HSPA4: variants seen among roughly 807,000 people sequenced by gnomAD.
The protein encoded by HSPA4 is heat shock protein family A (Hsp70) member 4, also known as heat shock 70 kDa protein 4.
In HSPA4, 25 loss-of-function variants were observed where a neutral mutation model predicts 106.2. That is an observed-to-expected ratio of 0.24 (90% CI 0.17 to 0.33). HSPA4 has a LOEUF of 0.33. Ranked by LOEUF, HSPA4 falls within the 10% of genes least tolerant of loss-of-function variation. The probability of loss-of-function intolerance (pLI) is 1.00; values close to 1 mark genes in which losing one functional copy is unlikely to be tolerated. For synonymous variants in HSPA4, 332 were observed against 333.6 expected, an observed-to-expected ratio of 1.00 and a Z score of 0.05; for missense variants, 841 against 996.0, an observed-to-expected ratio of 0.84 and a Z score of 2.10.
chr5:133,088,178 C>G (rs1161321858), intron 8 of HSPA4, among the ~76,000 whole-genome samples: 2 of 152,146 alleles, frequency 1.3e-5, no homozygotes, highest in Non-Finnish European at 2.9e-5. Context: ...GCCCTCACCT[C>G]CTAAATCCCA....
rs1765450365 is a variant in HSPA4 at position 133,076,743 on chromosome 5, A to G, written c.753A>G (p.Lys251=). Residue 251 remains lysine (K), a synonymous_variant, in exon 7 of 19, where the codon AAA becomes AAG. Transcript: ENST00000304858. ...VNHFCEEFGK[K]YKLDIKSKIR... is the part of the protein sequence containing the mutation. ...ACTTCTGTGAAGAATTTGGGAAGAA[A>G]TACAAGCTAGACATTAAGTCCAAAA... 3 of 1,614,000 alleles carry G rather than the reference A, an allele frequency of 1.9e-6. No homozygotes were observed. The highest frequency in any genetic ancestry group is 1.7e-5 in the Admixed American group (1 of 60,024).
chr5:133,080,591 A>G (rs1765502781), intron 7 of HSPA4, among the ~76,000 whole-genome samples: 2 of 151,960 alleles, frequency 1.3e-5, no homozygotes, highest in East Asian at 3.9e-4. Context: ...TATGTTTTCT[A>G]GTATTCTGTT....
At position 133,105,168 on chromosome 5, in the gene HSPA4, G is replaced by T. The variant is rs934895174; in HGVS notation, c.*732G>T. 1 of 152,302 alleles carries T rather than the reference G, an allele frequency of 6.6e-6. No individual in the cohort carries two copies. The highest frequency in any genetic ancestry group is 2.4e-5 in the African/African-American group (1 of 41,550). 9.4% of individuals were successfully genotyped at this position (152,302 alleles called of 1,614,324 possible). A position where few individuals can be genotyped will look rare whatever the true frequency, so the allele number is the denominator to read the frequency against. ...AAATAATTTTCAGAAGATTAGAATT[G>T]GGTAGATATACTGTTGGATATAGCC... is the stretch of plus-strand genomic sequence containing the variant. On this transcript the variant is annotated 3_prime_UTR_variant, in exon 19 of 19. Transcript: ENST00000304858.
intron 3 of HSPA4, among the ~76,000 whole-genome samples, chr5:133,069,887 A>T (rs530201084): frequency 6.6e-6 from 1 of 152,270 alleles, no homozygotes; most frequent in African/African-American, 2.4e-5. Flanking sequence ...AAAATAGGCT[A>T]TGCGTGGTGG....
chr5:133,070,239 C>CTTTT, intron 3 of HSPA4, 135 bp from the exon 4 acceptor site: 2 of 679,748 alleles, frequency 2.9e-6, no homozygotes, highest in Non-Finnish European at 4.7e-6. Context: ...CGAAAACTAG[C>CTTTT]TTTTTTTTTT....
chr5:133,058,789 T>A (rs1323482318), intron 1 of HSPA4, among the ~76,000 whole-genome samples: 1 of 151,648 alleles, frequency 6.6e-6, no homozygotes, highest in East Asian at 1.9e-4. Context: ...GCTCCGGAGT[T>A]TGGGACCAGC....
Position 133,076,722 on chromosome 5 carries a change from C to G in HSPA4, c.732C>G (p.Phe244Leu). 1.2e-6 allele frequency: 2 copies of G among 1,613,694 alleles called. No individual in the cohort carries two copies. The highest frequency in any genetic ancestry group is 1.7e-6 in the Non-Finnish European group (2 of 1,179,664). Residue 244 changes from phenylalanine (F) to leucine (L), a missense_variant, in exon 7 of 19, where the codon TTC (phenylalanine) becomes TTG (leucine). Physicochemically the swap from Phe to Leu is conservative, Grantham distance 22. Coordinates refer to ENST00000304858, the MANE Select transcript of HSPA4 (RefSeq NM_002154.4). The stretch of plus-strand genomic sequence containing the variant: ...TTGATGAAGTGTTAGTAAATCACTT[C>G]TGTGAAGAATTTGGGAAGAAATACA... ...RKFDEVLVNHFCEEFGKKYKL... is the reference protein window; with the variant it reads ...RKFDEVLVNHLCEEFGKKYKL...
Position 133,103,752 on chromosome 5 carries a change from C to G in HSPA4, c.2158-113C>G. 7.2e-6 allele frequency: 6 copies of G among 832,256 alleles called. No individual in the cohort carries two copies. In the South Asian group the frequency reaches 1.1e-4, roughly 16 times the overall value. 51.6% of individuals were successfully genotyped at this position (832,256 alleles called of 1,614,324 possible). A position where few individuals can be genotyped will look rare whatever the true frequency, so the allele number is the denominator to read the frequency against. ...TGTTCAGATTGTGAGGCTAAATATG[C>G]TTTATTTTTTGAAAGATTATAAGTT... On this transcript the variant is annotated intron_variant, in intron 17 of 18. Coordinates refer to ENST00000304858, the MANE Select transcript of HSPA4 (RefSeq NM_002154.4).
rs181102465 is a variant in HSPA4 at position 133,077,959 on chromosome 5, C to T, written c.908+1061C>T. Reference sequence around the variant, plus strand: ...TTAAGAAATTGTTAGTGAAATGTTACGTGTTTGTAAGAGCTAAGTAGATAC... The same window carrying T: ...TTAAGAAATTGTTAGTGAAATGTTATGTGTTTGTAAGAGCTAAGTAGATAC... On this transcript the variant is annotated intron_variant, in intron 7 of 18. Coordinates refer to ENST00000304858, the MANE Select transcript of HSPA4 (RefSeq NM_002154.4). 1.2e-3 allele frequency among the ~76,000 whole-genome samples: 187 copies of T among 152,196 alleles called. 1 individual carries two copies. The highest frequency in any genetic ancestry group is 2.0e-3 in the Non-Finnish European group (136 of 68,022).
intron 14 of HSPA4, 60 bp from the exon 15 acceptor site, chr5:133,097,101 G>T: frequency 2.3e-6 from 3 of 1,327,660 alleles, no homozygotes; most frequent in Non-Finnish European, 3.2e-6. Context: ...TAATTATATT[G>T]GTATTTAAGA....
At position 133,062,006 on chromosome 5, in the gene HSPA4, A is replaced by T. The variant is rs114347666; in HGVS notation, c.108-2974A>T. On this transcript the variant is annotated intron_variant, in intron 1 of 18. Coordinates refer to ENST00000304858, the MANE Select transcript of HSPA4 (RefSeq NM_002154.4). Reference sequence around the variant, plus strand: ...CAGACAAAATAGGTGGAATTTCTAGAGAATACGTGAAGGTACTAAGCATTT... The same window carrying T: ...CAGACAAAATAGGTGGAATTTCTAGTGAATACGTGAAGGTACTAAGCATTT... 5.0e-3 allele frequency among the ~76,000 whole-genome samples: 755 copies of T among 152,316 alleles called. 7 individuals are homozygous for T. Among genetic ancestry groups the T allele is most frequent in the African/African-American group, 0.018 (732 of 41,568 alleles).
At chr5:133,065,095 G>A in intron 2 of HSPA4, 58 bp downstream of exon 2, 1 of 1,439,216 alleles carries the variant, frequency 6.9e-7, no homozygotes, top group Non-Finnish European at 9.8e-7. Context: ...CATGTGTTCA[G>A]CAAGTAGTTG....
chr5:133,067,376 T>G, intron 2 of HSPA4, 41 bp from the exon 3 acceptor site: 1 of 1,463,432 alleles, frequency 6.8e-7, no homozygotes, highest in South Asian at 1.3e-5. Flanking sequence ...AAAAAAAAAA[T>G]TAGTAGTAGT....
chr5:133,074,470 G>T lies in HSPA4; in HGVS notation c.663+344G>T, dbSNP rs1765423782. Among the ~76,000 whole-genome samples, 3 of 152,064 alleles carry T rather than the reference G, an allele frequency of 2.0e-5. No individual in the cohort carries two copies. In the South Asian group the frequency reaches 6.2e-4, roughly 32 times the overall value. ...ATTTTGTATTTTTAGTAGAGACGGG[G>T]TTTATCCATGTTGGTCAGGCTGGTC... On this transcript the variant is annotated intron_variant, in intron 6 of 18. Coordinates refer to ENST00000304858, the MANE Select transcript of HSPA4 (RefSeq NM_002154.4).
At chr5:133,073,049 G>T (rs1448328067) in intron 4 of HSPA4, among the ~76,000 whole-genome samples, 181 bp from the exon 5 acceptor site, 1 of 152,104 alleles carries the variant, frequency 6.6e-6, no homozygotes, top group Non-Finnish European at 1.5e-5. Context: ...TAAGGTAATG[G>T]TACGGCTATT....
intron 1 of HSPA4, among the ~76,000 whole-genome samples, chr5:133,055,961 C>T (rs111808905): frequency 0.021 from 3,127 of 152,132 alleles, 96 homozygotes; most frequent in African/African-American, 0.069. Context: ...GCCTGTGGTC[C>T]CAGCTACTCT....
At chr5:133,070,229 C>T (rs967128847) in intron 3 of HSPA4, 145 bp from the exon 4 acceptor site, 16 of 769,428 alleles carry the variant, frequency 2.1e-5, no homozygotes, top group East Asian at 9.3e-5. Flanking sequence ...GGTATTACTT[C>T]GAAAACTAGC....
intron 16 of HSPA4, 156 bp from the exon 17 acceptor site, chr5:133,101,603 C>A: frequency 1.6e-6 from 1 of 641,182 alleles, no homozygotes; most frequent in South Asian, 2.0e-5. Flanking sequence ...CATTCCCCTC[C>A]TGAAGTAGCT....
chr5:133,076,557 C>CTT, intron 6 of HSPA4, 97 bp from the exon 7 acceptor site: 2 of 1,063,330 alleles, frequency 1.9e-6, no homozygotes, highest in Non-Finnish European at 2.7e-6. Context: ...AACCCTCCCT[C>CTT]TTTTTTTTTA....
Sources: allele counts gnomAD v4.1 joint callset (sites outside exome capture counted in the v4.1 genomes callset), GRCh38; gene constraint gnomAD v4.1.1; transcripts MANE v1.5; gene names NCBI Gene and HGNC (gene_info 2026-07-23, HGNC 2026-07-21).